Variants in FHIP2A observed in about 807,000 individuals in gnomAD.
The protein encoded by FHIP2A is family with sequence similarity 160 member B1.
A neutral mutation model predicts 93.5 loss-of-function variants in FHIP2A; 46 were observed. The ratio of observed to expected loss-of-function variants is 0.49; its 90% CI spans 0.39 to 0.63. The LOEUF (loss-of-function observed/expected upper bound fraction) is 0.63, where lower values mean the gene tolerates loss of function less well. Among genes scored for constraint, FHIP2A ranks in the 20% least tolerant of loss-of-function variants. The probability of loss-of-function intolerance (pLI) is 0.00; values close to 1 mark genes in which losing one functional copy is unlikely to be tolerated. For missense variants in FHIP2A, 769 were observed against 909.7 expected, an observed-to-expected ratio of 0.85 and a Z score of 1.99; for synonymous variants, 332 against 326.5, an observed-to-expected ratio of 1.02 and a Z score of -0.18.
At chr10:114,828,726 GT>G (rs1213027326) in intron 1 of FHIP2A, among the ~76,000 whole-genome samples, 4 of 151,986 alleles carry the variant, frequency 2.6e-5, no homozygotes, top group African/African-American at 9.7e-5. Flanking sequence ...TCTCCCGTAA[GT>G]TTTTTTCTCC....
chr10:114,869,728 T>G (rs2083847700), intron 16 of FHIP2A, among the ~76,000 whole-genome samples: 1 of 152,206 alleles, frequency 6.6e-6, no homozygotes. Flanking sequence ...CATTGGAATT[T>G]GGGTTCAAAA....
rs1179638670 is a variant in FHIP2A, at chr10:114,862,699, C to T, written c.*1159C>T. ...CATGCTTGTACTTGATTGACAAAAT[C>T]GTGTTTGCCAGTCCACTTTCTATTT... On this transcript the variant is annotated 3_prime_UTR_variant, in exon 17 of 17. Coordinates refer to ENST00000369248, the MANE Select transcript of FHIP2A (RefSeq NM_020940.4). 17 of 985,486 alleles carry T rather than the reference C, an allele frequency of 1.7e-5. No individual in the cohort carries two copies. Among genetic ancestry groups the T allele is most frequent in the South Asian group, 4.7e-5 (1 of 21,298 alleles). 61.0% of individuals were successfully genotyped at this position (985,486 alleles called of 1,614,324 possible). A position where few individuals can be genotyped will look rare whatever the true frequency, so the allele number is the denominator to read the frequency against.
intron 1 of FHIP2A, among the ~76,000 whole-genome samples, chr10:114,825,709 C>T (rs954736478): frequency 1.1e-4 from 17 of 152,136 alleles, no homozygotes; most frequent in East Asian, 1.9e-4. Context: ...TAGTTAGTTC[C>T]GGGGTTAGAT....
rs1016691543 is a variant in FHIP2A at position 114,863,999 on chromosome 10, T to C, written c.*2459T>C. The C allele has an allele frequency of 5.8e-5, 60 of 1,039,588 alleles. No homozygotes were observed. Among genetic ancestry groups the C allele is most frequent in the Non-Finnish European group, 6.3e-5 (54 of 862,488 alleles). The allele number at this position is 1,039,588 out of a possible 1,614,324, so 64.4% of individuals were successfully genotyped here. On this transcript the variant is annotated 3_prime_UTR_variant, in exon 17 of 17. Coordinates refer to ENST00000369248, the MANE Select transcript of FHIP2A (RefSeq NM_020940.4). The stretch of plus-strand genomic sequence containing the variant: ...TTTGTCTTAGCCTATTGCCATATAG[T>C]ACTCACCTTATAACTATGTAACTTT...
At chr10:114,832,888 A>G (rs2083615808) in intron 2 of FHIP2A, among the ~76,000 whole-genome samples, 1 of 151,776 alleles carries the variant, frequency 6.6e-6, no homozygotes, top group African/African-American at 2.4e-5. Flanking sequence ...ATTTTTTTGT[A>G]TTTTTAGTAG....
intron 11 of FHIP2A, 135 bp downstream of exon 11, chr10:114,846,863 G>A (rs1190007545): frequency 2.5e-6 from 2 of 815,808 alleles, no homozygotes; most frequent in East Asian, 5.5e-5. Context: ...AAAATTAGAT[G>A]CATTGATACT....
intron 16 of FHIP2A, among the ~76,000 whole-genome samples, chr10:114,898,610 C>T (rs2084012218): frequency 6.6e-6 from 1 of 152,174 alleles, no homozygotes. Flanking sequence ...TCAGAGTTCT[C>T]TTTTATCTCC....
chr10:114,838,787 T>G (rs2143010676), intron 5 of FHIP2A, among the ~76,000 whole-genome samples: 1 of 152,326 alleles, frequency 6.6e-6, no homozygotes, highest in African/African-American at 2.4e-5. Context: ...ACATTTACAT[T>G]TAAACCTCAC....
chr10:114,871,434 C>G (rs1479310747), intron 16 of FHIP2A, among the ~76,000 whole-genome samples: 1 of 152,104 alleles, frequency 6.6e-6, no homozygotes, highest in Non-Finnish European at 1.5e-5. Context: ...GGGCCCTGGC[C>G]CTAAGCTTCT....
chr10:114,822,015 G>A lies in FHIP2A; in HGVS notation c.-64G>A. ...GGCCCCGGCAGCCGCAGCAGGGGCG[G>A]CGGCGGCGGATCGAGGAGCTCTCCA... On this transcript the variant is annotated 5_prime_UTR_variant, in exon 1 of 17. Transcript: ENST00000369248. The A allele has an allele frequency of 1.8e-6, 2 of 1,117,550 alleles. No individual in the cohort carries two copies. Among genetic ancestry groups the A allele is most frequent in the Non-Finnish European group, 1.1e-6 (1 of 871,092 alleles). The allele number at this position is 1,117,550 out of a possible 1,614,324, so 69.2% of individuals were successfully genotyped here.
intron 14 of FHIP2A, among the ~76,000 whole-genome samples, chr10:114,859,013 A>G (rs888357797): frequency 6.6e-6 from 1 of 152,120 alleles, no homozygotes; most frequent in Non-Finnish European, 1.5e-5. Context: ...ATGCTATATC[A>G]ATAAAAAATA....
At chr10:114,895,156 AAG>A (rs1463345765) in intron 16 of FHIP2A, among the ~76,000 whole-genome samples, 1 of 152,212 alleles carries the variant, frequency 6.6e-6, no homozygotes, top group African/African-American at 2.4e-5. Context: ...CAAACACTGA[AAG>A]AGGATTTTCC....
rs779852872 is a variant in FHIP2A at position 114,835,624 on chromosome 10, G to A, written c.382G>A (p.Val128Met). ...GCAGCCACTACTTCCACACATTAAC[G>A]TGCACAGGCCAGTGCAGGTATTTTG... ...IRQPLLPHIN[V>M]HRPVQKLIRL... Residue 128 changes from valine to methionine, a missense_variant, in exon 4 of 17, where the codon GTG becomes ATG. Coordinates refer to ENST00000369248, the MANE Select transcript of FHIP2A (RefSeq NM_020940.4). 2.5e-6 allele frequency: 4 copies of A among 1,609,264 alleles called. No homozygotes were observed. Among genetic ancestry groups the A allele is most frequent in the South Asian group, 1.1e-5 (1 of 90,814 alleles).
downstream of FHIP2A, among the ~76,000 whole-genome samples, chr10:114,866,006 A>G (rs1181041604): frequency 1.3e-5 from 2 of 152,068 alleles, no homozygotes; most frequent in East Asian, 3.9e-4. Context: ...ATACACATGC[A>G]GGATGTGCAG....
downstream of FHIP2A, among the ~76,000 whole-genome samples, chr10:114,868,595 C>G (rs754073182): frequency 5.3e-5 from 8 of 151,976 alleles, no homozygotes; most frequent in Non-Finnish European, 1.0e-4. Context: ...TTAGGTAATA[C>G]TTTAGACTTC....
intron 16 of FHIP2A, chr10:114,899,393 T>C (rs746922455): frequency 1.1e-4 from 76 of 691,580 alleles, no homozygotes; most frequent in Admixed American, 4.0e-4. Context: ...AGTCCAGGAG[T>C]TGGTTAAGCA....
intron 16 of FHIP2A, among the ~76,000 whole-genome samples, chr10:114,873,262 A>T (rs1222347688): frequency 1.3e-5 from 2 of 152,162 alleles, no homozygotes; most frequent in Non-Finnish European, 2.9e-5. Context: ...GATGCCCTCT[A>T]TTGGAATTAG....
chr10:114,874,748 C>A (rs1456658056), intron 16 of FHIP2A, among the ~76,000 whole-genome samples: 1 of 152,134 alleles, frequency 6.6e-6, no homozygotes, highest in African/African-American at 2.4e-5. Context: ...AGGAGATCCG[C>A]CCGCCTCTGC....
intron 1 of FHIP2A, among the ~76,000 whole-genome samples, chr10:114,828,570 T>C (rs1185963754): frequency 6.6e-6 from 1 of 152,216 alleles, no homozygotes; most frequent in Non-Finnish European, 1.5e-5. Context: ...CCAAAAAAAT[T>C]AGGAAGAGGT....
Sources: gnomAD v4.1 joint callset for allele counts (sites outside exome capture counted in the v4.1 genomes callset) on GRCh38, gnomAD v4.1.1 for gene constraint, MANE v1.5 for transcripts, NCBI Gene and HGNC (gene_info 2026-07-23, HGNC 2026-07-21) for gene names.